Variants in MMS22L observed in about 807,000 individuals in gnomAD.
MMS22L encodes the protein protein MMS22-like.
Under a neutral mutation model 159.1 loss-of-function variants are expected in MMS22L, and 74 were observed. The observed-to-expected ratio is 0.47, with a 90% CI of 0.39 to 0.56. The LOEUF (loss-of-function observed/expected upper bound fraction) is 0.56. Among genes scored for constraint, MMS22L ranks in the 20% least tolerant of loss-of-function variants. The pLI, the probability that MMS22L is intolerant of heterozygous loss-of-function variation, is 0.00. For missense variants in MMS22L, 1,351 were observed against 1,422.1 expected (o/e 0.95, Z 0.80); for synonymous variants, 517 against 506.9 (o/e 1.02, Z -0.27).
At chr6:97,279,669 C>T (rs938884214) in intron 3 of MMS22L, among the ~76,000 whole-genome samples, 7 of 151,622 alleles carry the variant, frequency 4.6e-5, no homozygotes, top group African/African-American at 1.5e-4. Flanking sequence ...ACCCTGTAAT[C>T]CGAGCTACTC....
intron 9 of MMS22L, chr6:97,261,578 A>T (rs1235111720): frequency 2.0e-5 from 3 of 152,186 alleles, no homozygotes; most frequent in Non-Finnish European, 4.4e-5. Flanking sequence ...ATGGGTAAGG[A>T]TTGCAGTCAA....
At chr6:97,264,300 T>C (rs963683105) in intron 8 of MMS22L, 1 of 152,126 alleles carries the variant, frequency 6.6e-6, no homozygotes, top group Non-Finnish European at 1.5e-5. Flanking sequence ...AGTAAAAATT[T>C]TGCAAGACAG....
At chr6:97,214,758 G>C (rs1047126766) in intron 14 of MMS22L, among the ~76,000 whole-genome samples, 2 of 147,032 alleles carry the variant, frequency 1.4e-5, no homozygotes, top group Admixed American at 6.8e-5. Context: ...CTCCTTAAGA[G>C]AGAGATTTAT....
At chr6:97,170,077 ACT>A (rs1803369453) in intron 19 of MMS22L, among the ~76,000 whole-genome samples, 1 of 151,966 alleles carries the variant, frequency 6.6e-6, no homozygotes, top group Admixed American at 6.6e-5. Flanking sequence ...ATTATGTTAA[ACT>A]CTTATGTGCC....
intron 14 of MMS22L, among the ~76,000 whole-genome samples, chr6:97,204,275 G>GT (rs1807510803): frequency 6.6e-6 from 1 of 152,042 alleles, no homozygotes; most frequent in Non-Finnish European, 1.5e-5. Context: ...TGACATCTTA[G>GT]TATCTATTAC....
chr6:97,246,365 T>A (rs1812642201), intron 11 of MMS22L, among the ~76,000 whole-genome samples: 1 of 152,210 alleles, frequency 6.6e-6, no homozygotes, highest in Non-Finnish European at 1.5e-5. Flanking sequence ...AGGAATGGCA[T>A]ACAGTTCTGA....
At chr6:97,220,957 G>GACACACACAC (rs71012586) in intron 14 of MMS22L, among the ~76,000 whole-genome samples, 7 of 143,604 alleles carry the variant, frequency 4.9e-5, no homozygotes, top group East Asian at 2.1e-4. Flanking sequence ...TAAGACCCCT[G>GACACACACAC]ACACACACAC....
chr6:97,238,620 G>A (rs969031472), intron 11 of MMS22L, among the ~76,000 whole-genome samples: 3 of 146,398 alleles, frequency 2.0e-5, no homozygotes, highest in African/African-American at 8.0e-5. Flanking sequence ...TGTATCAGAC[G>A]GGGAGAGAAT....
rs34952523 is a variant in MMS22L, at chr6:97,231,664, GAA to G, written c.1303-14_1303-13del. On this transcript the variant is annotated splice_polypyrimidine_tract_variant and intron_variant, in intron 12 of 24. Coordinates refer to ENST00000683635, the MANE Select transcript of MMS22L (RefSeq NM_001350599.2). ...CTGAAGGAACTATTCTAAAAGGGGG[GAA>G]AAAAAAGATAGAAAACAATTATTAG... is the stretch of plus-strand genomic sequence containing the variant. The G allele has an allele frequency of 9.3e-5, 140 of 1,511,776 alleles. No individual in the cohort carries two copies. Among genetic ancestry groups the G allele is most frequent in the Admixed American group, 2.3e-4 (13 of 55,784 alleles). The allele number at this position is 1,511,776 out of a possible 1,614,324, so 93.6% of individuals were successfully genotyped here.
intron 19 of MMS22L, among the ~76,000 whole-genome samples, chr6:97,172,706 CTGA>C (rs1803673241): frequency 6.6e-6 from 1 of 152,086 alleles, no homozygotes; most frequent in African/African-American, 2.4e-5. Context: ...CGATAGTTTT[CTGA>C]TGTTTTTAAT....
intron 9 of MMS22L, among the ~76,000 whole-genome samples, chr6:97,257,338 C>A (rs190611791): frequency 9.7e-4 from 148 of 152,318 alleles, no homozygotes; most frequent in African/African-American, 3.3e-3. Flanking sequence ...GCTATCCCAT[C>A]ATTTAATGTT....
intron 14 of MMS22L, among the ~76,000 whole-genome samples, chr6:97,210,208 C>A (rs1234734236): frequency 2.0e-5 from 3 of 151,776 alleles, no homozygotes; most frequent in African/African-American, 7.2e-5. Context: ...ACCAGTAGTT[C>A]TTGCTCCTAA....
intron 17 of MMS22L, among the ~76,000 whole-genome samples, chr6:97,179,064 G>A (rs1804413830): frequency 6.6e-6 from 1 of 152,042 alleles, no homozygotes; most frequent in Non-Finnish European, 1.5e-5. Context: ...TTCACAGTGT[G>A]ATATCTGGTT....
chr6:97,189,364 A>C (rs1304646516), intron 14 of MMS22L, among the ~76,000 whole-genome samples: 1 of 151,504 alleles, frequency 6.6e-6, no homozygotes, highest in Non-Finnish European at 1.5e-5. Flanking sequence ...TTTCAAGACC[A>C]GCCTGGGCAA....
At chr6:97,277,829 G>A (rs1398630354) in intron 4 of MMS22L, among the ~76,000 whole-genome samples, 2 of 152,094 alleles carry the variant, frequency 1.3e-5, no homozygotes, top group Non-Finnish European at 2.9e-5. Flanking sequence ...GCTTTTCCTT[G>A]TAATGTGTAT....
rs561929790 is a variant in MMS22L at position 97,151,273 on chromosome 6, G to A, written c.3482+498C>T. ...TGCATTTTTACTGTACCTTTTCTAT[G>A]TTTGGATACATTTAGATACACAAAT... On this transcript the variant is annotated intron_variant, in intron 23 of 24. Coordinates refer to ENST00000683635, the MANE Select transcript of MMS22L (RefSeq NM_001350599.2). Among the ~76,000 whole-genome samples the A allele has an allele frequency of 3.9e-5, 6 of 152,258 alleles. No individual in the cohort carries two copies. The East Asian group carries it at 1.2e-3, about 29-fold the overall frequency.
At chr6:97,273,562 T>A (rs1385893965) in intron 4 of MMS22L, among the ~76,000 whole-genome samples, 1 of 152,312 alleles carries the variant, frequency 6.6e-6, no homozygotes, top group African/African-American at 2.4e-5. Context: ...CTCCAGACCT[T>A]CCGTGTTAAA....
chr6:97,187,086 T>A (rs1805323762), intron 14 of MMS22L, among the ~76,000 whole-genome samples: 1 of 152,122 alleles, frequency 6.6e-6, no homozygotes, highest in Non-Finnish European at 1.5e-5. Context: ...AAGAGGAAGG[T>A]AAGTACAACT....
rs191092009 is a variant in MMS22L, at chr6:97,148,306, T to C, written c.3651-1419A>G. Among the ~76,000 whole-genome samples the C allele has an allele frequency of 1.7e-4, 26 of 152,350 alleles. No homozygotes were observed. The East Asian group carries it at 4.8e-3, about 28-fold the overall frequency. On this transcript the variant is annotated intron_variant, in intron 24 of 24. Coordinates refer to ENST00000683635, the MANE Select transcript of MMS22L (RefSeq NM_001350599.2). ...TTATGTATTTACTATACTTTACTTTTTATTGTTATTTTAGAGTGTACTCCT... is the reference window on the plus strand; with the variant it reads ...TTATGTATTTACTATACTTTACTTTCTATTGTTATTTTAGAGTGTACTCCT...
Sources: allele counts gnomAD v4.1 joint callset (sites outside exome capture counted in the v4.1 genomes callset), GRCh38; gene constraint gnomAD v4.1.1; transcripts MANE v1.5; gene names NCBI Gene and HGNC (gene_info 2026-07-23, HGNC 2026-07-21).